The following NHP2 variants were observed in gnomAD, a reference collection of about 807,000 sequenced individuals.
NHP2 encodes the protein NHP2 ribonucleoprotein, also known as H/ACA ribonucleoprotein complex subunit 2.
A neutral mutation model predicts 16.7 loss-of-function variants in NHP2; 10 were observed. The ratio of observed to expected loss-of-function variants is 0.60; its 90% confidence interval spans 0.37 to 1.01. The LOEUF is 1.01. Ranked by LOEUF, NHP2 falls within the 50% of genes least tolerant of loss-of-function variation. The pLI is 0.01. For missense variants in NHP2, 184 were observed against 198.3 expected (o/e 0.93, Z 0.43); for synonymous variants, 87 against 78.9 (o/e 1.10, Z -0.54).
In NHP2 at chr5:178,149,463, T is replaced by G; in HGVS notation, c.*250A>C. Reference sequence around the variant, plus strand: ...AGAAAACACCCACAGACTCACCACATTTTAGTCTTAGCATTTACTTTCCCC... The same window carrying G: ...AGAAAACACCCACAGACTCACCACAGTTTAGTCTTAGCATTTACTTTCCCC... On this transcript the variant is annotated 3_prime_UTR_variant, in exon 4 of 4. Coordinates refer to ENST00000274606, the MANE Select transcript of NHP2 (RefSeq NM_017838.4). 4.3e-6 allele frequency: 2 copies of G among 463,092 alleles called. No homozygotes were observed. The highest frequency in any genetic ancestry group is 4.0e-6 in the Non-Finnish European group (1 of 248,200). The allele number at this position is 463,092 out of a possible 1,614,324, so 28.7% of individuals were successfully genotyped here.
In NHP2 at chr5:178,150,961, A is replaced by G. The variant is rs896847836; in HGVS notation, c.263T>C (p.Ile88Thr). 1.2e-6 allele frequency: 2 copies of G among 1,613,842 alleles called. No individual in the cohort carries two copies. Among genetic ancestry groups the G allele is most frequent in the African/African-American group, 1.3e-5 (1 of 74,904 alleles). The change falls in exon 3 of 4, where the codon ATT becomes ACT. Residue 88 changes from isoleucine (I) to threonine (T), a missense_variant. Transcript: ENST00000274606. Reference protein sequence around the residue: ...IMVLAGDTLPIEVYCHLPVMC... With the variant: ...IMVLAGDTLPTEVYCHLPVMC... Reference sequence around the variant, plus strand: ...GACTGGGAGATGGCAGTATACCTCAATGGGCAGTGTGTCTCCTGCCAAAAC... The same window carrying G: ...GACTGGGAGATGGCAGTATACCTCAGTGGGCAGTGTGTCTCCTGCCAAAAC...
At position 178,150,848 on chromosome 5, in the gene NHP2, C is replaced by T. The variant is rs764196128; in HGVS notation, c.336+40G>A. ...TGCTATGGCAGACTATCCCAGACAC[C>T]CCAGTGCTGAGCAAGGTCAGGGGGC... On this transcript the variant is annotated intron_variant, in intron 3 of 3. Coordinates refer to ENST00000274606, the MANE Select transcript of NHP2 (RefSeq NM_017838.4). 4 of 1,311,494 alleles carry T rather than the reference C, an allele frequency of 3.0e-6. No homozygotes were observed. The Admixed American group carries it at 5.0e-5, about 16-fold the overall frequency. 81.2% of individuals were successfully genotyped at this position (1,311,494 alleles called of 1,614,324 possible).
rs371173524 is a variant in NHP2, at chr5:178,153,827, C to A, written c.-10G>T. On this transcript the variant is annotated 5_prime_UTR_variant, in exon 1 of 4. Transcript: ENST00000274606. ...CCTTTATTTTGGTCATCGCAGCGGC[C>A]GCTGAAACCTAGTCCCAGGGAGGCG... 334 of 1,602,630 alleles carry A rather than the reference C, an allele frequency of 2.1e-4. 1 individual carries two copies. The highest frequency in any genetic ancestry group is 1.5e-3 in the Middle Eastern group (9 of 6,044).
At position 178,153,568 on chromosome 5, in the gene NHP2, G is replaced by A; in HGVS notation, c.161-8C>T. The A allele has an allele frequency of 1.2e-6, 2 of 1,614,144 alleles. No individual in the cohort carries two copies. The highest frequency in any genetic ancestry group is 1.7e-6 in the Non-Finnish European group (2 of 1,180,012). ...TCTGCTTCTGCTTCACCGCTGCAAC[G>A]ACAGAAGAGTCGGTCGGGGGCCTCG... On this transcript the variant is annotated splice_region_variant and splice_polypyrimidine_tract_variant and intron_variant, in intron 1 of 3. Coordinates refer to ENST00000274606, the MANE Select transcript of NHP2 (RefSeq NM_017838.4).
chr5:178,149,797 C>T lies in NHP2; in HGVS notation c.378G>A (p.Val126=), dbSNP rs1756216301. The T allele has an allele frequency of 1.6e-5, 26 of 1,614,012 alleles. No homozygotes were observed. The highest frequency in any genetic ancestry group is 2.2e-5 in the Non-Finnish European group (26 of 1,179,928). Residue 126 remains valine (V), a synonymous_variant, in exon 4 of 4, where the codon GTG becomes GTA. Coordinates refer to ENST00000274606, the MANE Select transcript of NHP2 (RefSeq NM_017838.4). ...AAAGSKRPTC[V]IMVKPHEEYQ... ...ACTCCTCATGGGGCTTGACCATTAT[C>T]ACACAGGTGGGGCGCTTGGAGCCTG...
intron 2 of NHP2, among the ~76,000 whole-genome samples, chr5:178,151,574 A>G (rs892878966): frequency 1.3e-5 from 2 of 152,210 alleles, no homozygotes; most frequent in African/African-American, 4.8e-5. Flanking sequence ...ACAGGCGGAC[A>G]CACAAGGACA....
chr5:178,150,421 C>T (rs753092505), intron 3 of NHP2: 9 of 318,064 alleles, frequency 2.8e-5, no homozygotes, highest in Non-Finnish European at 5.6e-5. Context: ...CTCTGTCATG[C>T]AGTCTGGAGT....
chr5:178,151,836 T>C (rs1561644601), intron 2 of NHP2, among the ~76,000 whole-genome samples: 1 of 152,044 alleles, frequency 6.6e-6, no homozygotes, highest in African/African-American at 2.4e-5. Flanking sequence ...CAAACCCCTA[T>C]AGCCATCTGC....
Position 178,153,720 on chromosome 5 carries a change from G to A in NHP2, c.98C>T (p.Pro33Leu). The A allele has an allele frequency of 1.2e-6, 2 of 1,613,966 alleles. No homozygotes were observed. The highest frequency in any genetic ancestry group is 2.2e-5 in the South Asian group (2 of 91,072). Reference protein sequence around the residue: ...TYQELLVNQNPIAQPLASRRL... With the variant: ...TYQELLVNQNLIAQPLASRRL... The stretch of plus-strand genomic sequence containing the variant: ...GCGAGAAGCCAGGGGCTGCGCGATG[G>A]GGTTCTGGTTGACCAGCAGCTCCTG... Residue 33 changes from proline to leucine, a missense_variant, in exon 1 of 4, where the codon CCC becomes CTC. Physicochemically the swap from Pro to Leu is moderately conservative, Grantham distance 98. Coordinates refer to ENST00000274606, the MANE Select transcript of NHP2 (RefSeq NM_017838.4).
At position 178,149,524 on chromosome 5, in the gene NHP2, G is replaced by A. The variant is rs1304374223; in HGVS notation, c.*189C>T. On this transcript the variant is annotated 3_prime_UTR_variant, in exon 4 of 4. Transcript: ENST00000274606. ...CTTGGAACAGCCTTTAGTTCTACAG[G>A]AAATGGCACTGATGGACAGAAGACT... The A allele has an allele frequency of 7.8e-6, 5 of 639,950 alleles. No homozygotes were observed. Among genetic ancestry groups the A allele is most frequent in the African/African-American group, 7.4e-5 (4 of 54,192 alleles). The allele number at this position is 639,950 out of a possible 1,614,324, so 39.6% of individuals were successfully genotyped here. A position where few individuals can be genotyped will look rare whatever the true frequency, so the allele number is the denominator to read the frequency against.
chr5:178,151,663 C>T (rs1159584683), intron 2 of NHP2, among the ~76,000 whole-genome samples: 2 of 152,128 alleles, frequency 1.3e-5, no homozygotes, highest in African/African-American at 4.8e-5. Flanking sequence ...TGTTAAGCGC[C>T]TTTCACTGTG....
chr5:178,153,620 C>A, intron 1 of NHP2, 38 bp downstream of exon 1: 1 of 1,613,898 alleles, frequency 6.2e-7, no homozygotes, highest in Non-Finnish European at 8.5e-7. Context: ...CCCATCCCAC[C>A]CGCGCACCCA....
Position 178,150,413 on chromosome 5 carries a change from CTG to C in NHP2, c.336+473_336+474del, listed in dbSNP as rs1756241106. The C allele has an allele frequency of 6.1e-5, 17 of 279,142 alleles. No homozygotes were observed. The South Asian group carries it at 6.1e-4, about 10-fold the overall frequency. The allele number at this position is 279,142 out of a possible 1,614,324, so 17.3% of individuals were successfully genotyped here. A position where few individuals can be genotyped will look rare whatever the true frequency, so the allele number is the denominator to read the frequency against. ...TTTTTTTTTGAGACAGGGCCTCACT[CTG>C]TCATGCAGTCTGGAGTGTGGTGGTG... On this transcript the variant is annotated intron_variant, in intron 3 of 3. Coordinates refer to ENST00000274606, the MANE Select transcript of NHP2 (RefSeq NM_017838.4).
Position 178,153,685 on chromosome 5 carries a change from G to A in NHP2, c.133C>T (p.Arg45Trp), listed in dbSNP as rs1274394204. 1.2e-5 allele frequency: 19 copies of A among 1,613,898 alleles called. No homozygotes were observed. Among genetic ancestry groups the A allele is most frequent in the Non-Finnish European group, 1.6e-5 (19 of 1,179,950 alleles). ...AQPLASRRLT[R>W]KLYKCIKKAV... ...TTCTTGATGCATTTGTAGAGCTTCCGCGTGAGGCGGCGAGAAGCCAGGGGC... is the reference window on the plus strand; with the variant it reads ...TTCTTGATGCATTTGTAGAGCTTCCACGTGAGGCGGCGAGAAGCCAGGGGC... Residue 45 changes from arginine (R) to tryptophan (W), a missense_variant, in exon 1 of 4, where the codon CGG becomes TGG. Transcript: ENST00000274606.
chr5:178,150,385 T>C (rs1051159901), intron 3 of NHP2: 5,190 of 95,264 alleles, frequency 0.054, 51 homozygotes, highest in Middle Eastern at 0.13. Context: ...CCAGCCTCTA[T>C]TTTTTTTTTT....
intron 2 of NHP2, among the ~76,000 whole-genome samples, chr5:178,152,965 GT>G (rs1285417227): frequency 6.6e-6 from 1 of 152,262 alleles, no homozygotes; most frequent in Non-Finnish European, 1.5e-5. Flanking sequence ...GCGCAAGCCG[GT>G]GGTCTCAGCT....
Position 178,149,798 on chromosome 5 carries a change from A to T in NHP2, c.377T>A (p.Val126Glu). 6.2e-7 allele frequency: 1 copy of T among 1,613,878 alleles called. No homozygotes were observed. The highest frequency in any genetic ancestry group is 2.2e-5 in the East Asian group (1 of 44,884). ...CTCCTCATGGGGCTTGACCATTATC[A>T]CACAGGTGGGGCGCTTGGAGCCTGC... Reference protein sequence around the residue: ...AAAGSKRPTCVIMVKPHEEYQ... With the variant: ...AAAGSKRPTCEIMVKPHEEYQ... The change falls in exon 4 of 4, where the codon GTG becomes GAG. Residue 126 changes from valine to glutamate, a missense_variant. Val to Glu is a moderately radical substitution (Grantham distance 121). Transcript: ENST00000274606.
chr5:178,152,928 A>G (rs1407829632), intron 2 of NHP2, among the ~76,000 whole-genome samples: 1 of 152,174 alleles, frequency 6.6e-6, no homozygotes, highest in African/African-American at 2.4e-5. Context: ...TGTCTCTGCA[A>G]AACAACAATA....
At chr5:178,151,384 C>G (rs1756274362) in intron 2 of NHP2, among the ~76,000 whole-genome samples, 1 of 152,126 alleles carries the variant, frequency 6.6e-6, no homozygotes, top group Non-Finnish European at 1.5e-5. Flanking sequence ...AGGGGACACC[C>G]CCAAGACCTT....
Sources: gnomAD v4.1 joint callset for allele counts (sites outside exome capture counted in the v4.1 genomes callset) on GRCh38, gnomAD v4.1.1 for gene constraint, MANE v1.5 for transcripts, NCBI Gene and HGNC (gene_info 2026-07-23, HGNC 2026-07-21) for gene names.